Variants in MAGI2 observed in about 807,000 individuals in gnomAD.
MAGI2 encodes the protein membrane associated guanylate kinase, WW and PDZ domain containing 2.
Under a neutral mutation model 133.3 loss-of-function variants are expected in MAGI2, and 35 were observed. That is an observed-to-expected ratio of 0.26 (90% CI 0.20 to 0.35). The LOEUF (loss-of-function observed/expected upper bound fraction) is 0.35. Among genes scored for constraint, MAGI2 ranks in the 10% least tolerant of loss-of-function variants. The pLI, the probability that MAGI2 is intolerant of heterozygous loss-of-function variation, is 1.00. For missense variants in MAGI2, 1,636 were observed against 1,863.4 expected (o/e 0.88, Z 2.25); for synonymous variants, 729 against 710.6 (o/e 1.03, Z -0.41).
intron 4 of MAGI2, among the ~76,000 whole-genome samples, chr7:78,502,393 G>C (rs1026151432): frequency 6.6e-6 from 1 of 152,066 alleles, no homozygotes; most frequent in African/African-American, 2.4e-5. Context: ...AAAAGGAAAG[G>C]AAATGGATTA....
chr7:78,619,928 A>C (rs1347822117), intron 3 of MAGI2, among the ~76,000 whole-genome samples: 1 of 151,980 alleles, frequency 6.6e-6, no homozygotes, highest in East Asian at 1.9e-4. Context: ...AATCTTCCAC[A>C]ATAGAAATAT....
intron 3 of MAGI2, among the ~76,000 whole-genome samples, chr7:78,563,867 A>C (rs1191812170): frequency 6.6e-6 from 1 of 152,242 alleles, no homozygotes; most frequent in African/African-American, 2.4e-5. Flanking sequence ...ATAGTATCTT[A>C]TCACAAATAT....
chr7:78,110,251 T>C (rs933754216), intron 20 of MAGI2, among the ~76,000 whole-genome samples: 2 of 152,218 alleles, frequency 1.3e-5, no homozygotes, highest in Non-Finnish European at 2.9e-5. Context: ...CAAGGTCTCA[T>C]ACACAAGCAC....
At chr7:78,672,988 T>G (rs1331712495) in intron 2 of MAGI2, among the ~76,000 whole-genome samples, 1 of 152,172 alleles carries the variant, frequency 6.6e-6, no homozygotes, top group Non-Finnish European at 1.5e-5. Context: ...ATGTTTAGCC[T>G]TCTTCTGAAG....
At chr7:78,228,514 G>A (rs1309619026) in intron 10 of MAGI2, among the ~76,000 whole-genome samples, 1 of 152,186 alleles carries the variant, frequency 6.6e-6, no homozygotes, top group African/African-American at 2.4e-5. Context: ...GTTCCTTAGA[G>A]ACCCATTTTA....
At chr7:78,052,540 T>C (rs972144210) in intron 21 of MAGI2, among the ~76,000 whole-genome samples, 2 of 152,232 alleles carry the variant, frequency 1.3e-5, no homozygotes, top group East Asian at 3.8e-4. Context: ...ATTCCTTTTA[T>C]AGCAACAAAA....
intron 1 of MAGI2, among the ~76,000 whole-genome samples, chr7:79,435,876 A>T (rs1373420185): frequency 6.6e-6 from 1 of 152,206 alleles, no homozygotes. Flanking sequence ...CTATAATGCT[A>T]CAGTAATCCA....
At chr7:79,366,360 G>T (rs1563156487) in intron 1 of MAGI2, among the ~76,000 whole-genome samples, 4 of 152,258 alleles carry the variant, frequency 2.6e-5, no homozygotes, top group African/African-American at 9.6e-5. Context: ...TGGTGGATGG[G>T]TTAATGGTTT....
intron 10 of MAGI2, among the ~76,000 whole-genome samples, chr7:78,226,374 G>T (rs1388439650): frequency 6.6e-6 from 1 of 150,946 alleles, no homozygotes; most frequent in Non-Finnish European, 1.5e-5. Context: ...TGAGGCTTTG[G>T]CATGATAGGC....
chr7:79,158,996 G>A (rs1824085833), intron 1 of MAGI2, among the ~76,000 whole-genome samples: 1 of 151,768 alleles, frequency 6.6e-6, no homozygotes, highest in Non-Finnish European at 1.5e-5. Context: ...TGTTATACAA[G>A]GTTATACAGG....
At chr7:78,092,722 G>T (rs117107737) in intron 20 of MAGI2, among the ~76,000 whole-genome samples, 1 of 151,996 alleles carries the variant, frequency 6.6e-6, no homozygotes, top group Non-Finnish European at 1.5e-5. Context: ...TTTCAGTTTC[G>T]GTTAATAATT....
intron 6 of MAGI2, among the ~76,000 whole-genome samples, chr7:78,482,287 G>T (rs1023165024): frequency 6.6e-6 from 1 of 151,900 alleles, no homozygotes; most frequent in Admixed American, 6.6e-5. Context: ...TGGATCACTT[G>T]TTCACTGCTG....
chr7:79,150,716 CT>C (rs368352372), intron 1 of MAGI2, among the ~76,000 whole-genome samples: 1 of 151,714 alleles, frequency 6.6e-6, no homozygotes, highest in Admixed American at 6.6e-5. Context: ...ATTTTTCCTT[CT>C]TTTTCATCAA....
chr7:78,662,549 A>C lies in MAGI2; in HGVS notation c.419-35310T>G, dbSNP rs534777342. Among the ~76,000 whole-genome samples the C allele has an allele frequency of 2.6e-5, 4 of 152,290 alleles. No individual in the cohort carries two copies. The South Asian group carries it at 8.3e-4, about 32-fold the overall frequency. ...TTACTGAATGTATTTTGCTTTGCAG[A>C]AAAGTGTGTATTATCATCTAATTGC... On this transcript the variant is annotated intron_variant, in intron 2 of 21. Transcript: ENST00000354212.
chr7:78,581,182 G>C (rs1452916060), intron 3 of MAGI2, among the ~76,000 whole-genome samples: 1 of 152,170 alleles, frequency 6.6e-6, no homozygotes, highest in Non-Finnish European at 1.5e-5. Context: ...CTCTGAGGAA[G>C]AGCTGCAGGC....
intron 1 of MAGI2, among the ~76,000 whole-genome samples, chr7:79,420,938 T>G (rs1846911577): frequency 6.6e-6 from 1 of 151,988 alleles, no homozygotes; most frequent in Admixed American, 6.6e-5. Flanking sequence ...AGCTTCTAAA[T>G]AAATGAAGGG....
chr7:78,745,595 T>C (rs958688870), intron 2 of MAGI2, among the ~76,000 whole-genome samples: 2 of 152,160 alleles, frequency 1.3e-5, no homozygotes, highest in East Asian at 3.8e-4. Flanking sequence ...TCATGCAATA[T>C]TCTGCTCCTA....
At chr7:78,858,384 C>T (rs1261331136) in intron 2 of MAGI2, among the ~76,000 whole-genome samples, 1 of 152,174 alleles carries the variant, frequency 6.6e-6, no homozygotes, top group Non-Finnish European at 1.5e-5. Flanking sequence ...CTCTTGTGGG[C>T]ATTTAGTGCT....
intron 1 of MAGI2, among the ~76,000 whole-genome samples, chr7:79,028,261 A>ATG (rs1810154754): frequency 4.5e-5 from 1 of 22,438 alleles, no homozygotes; most frequent in African/African-American, 1.3e-4. Flanking sequence ...ATATATATAT[A>ATG]TATATATGTA....
Sources: allele counts gnomAD v4.1 joint callset (sites outside exome capture counted in the v4.1 genomes callset), GRCh38; gene constraint gnomAD v4.1.1; transcripts MANE v1.5; gene names NCBI Gene and HGNC (gene_info 2026-07-23, HGNC 2026-07-21).